GOLGA8B: variants seen among roughly 807,000 people sequenced by gnomAD.
The protein encoded by GOLGA8B is golgin subfamily A member 8B.
GOLGA8B carries 1 observed loss-of-function variant against 15.6 expected under a neutral mutation model. That is an observed-to-expected ratio of 0.06 (90% confidence interval 0.02 to 0.30). The LOEUF (loss-of-function observed/expected upper bound fraction) is 0.30. GOLGA8B is among the 10% of genes least tolerant of loss of function. The probability of loss-of-function intolerance (pLI) is 1.00; values close to 1 mark genes in which losing one functional copy is unlikely to be tolerated. For synonymous variants in GOLGA8B, 9 were observed against 80.3 expected (o/e 0.11, Z 4.75); for missense variants, 17 against 201.3 (o/e 0.08, Z 5.54).
At chr15:34,565,095 G>A (rs1888723938) in intron 1 of GOLGA8B, among the ~76,000 whole-genome samples, 1 of 141,214 alleles carries the variant, frequency 7.1e-6, no homozygotes, top group African/African-American at 2.5e-5. Context: ...TGGGGAGGAA[G>A]AATTTCCAGC....
chr15:34,554,108 GTGTTTC>G (rs1888425233), intron 1 of GOLGA8B, among the ~76,000 whole-genome samples, 152 bp from the exon 2 acceptor site: 1 of 142,048 alleles, frequency 7.0e-6, no homozygotes, highest in Non-Finnish European at 1.5e-5. Flanking sequence ...CTGTCTGGAA[GTGTTTC>G]TGATTCTAAT....
At chr15:34,562,570 C>G (rs1436246603) in intron 1 of GOLGA8B, among the ~76,000 whole-genome samples, 1 of 131,590 alleles carries the variant, frequency 7.6e-6, no homozygotes, top group East Asian at 2.2e-4. Flanking sequence ...TGTCCTCTCC[C>G]TAGCATGTCT....
chr15:34,568,908 C>G (rs936819074), intron 1 of GOLGA8B, among the ~76,000 whole-genome samples: 4 of 145,108 alleles, frequency 2.8e-5, no homozygotes, highest in Non-Finnish European at 5.9e-5. Context: ...ATGCCTGCTA[C>G]TTGGCCTTGT....
intron 1 of GOLGA8B, among the ~76,000 whole-genome samples, chr15:34,578,242 C>T (rs1208610361): frequency 6.6e-6 from 1 of 152,156 alleles, no homozygotes; most frequent in Admixed American, 6.5e-5. Flanking sequence ...TGGAAAACAC[C>T]TTAGTGTCCC....
chr15:34,576,700 G>C (rs1409476509), intron 1 of GOLGA8B, among the ~76,000 whole-genome samples: 2 of 152,188 alleles, frequency 1.3e-5, no homozygotes, highest in African/African-American at 4.8e-5. Context: ...ATTCAGTCCT[G>C]CCTCAGGGGC....
chr15:34,566,762 G>A (rs533654091), intron 1 of GOLGA8B, among the ~76,000 whole-genome samples: 4 of 135,652 alleles, frequency 2.9e-5, no homozygotes, highest in East Asian at 2.0e-4. Context: ...TGAGGATGGA[G>A]GTGTCACTGC....
chr15:34,551,612 CA>C (rs1208483829), intron 3 of GOLGA8B, among the ~76,000 whole-genome samples: 1 of 114,184 alleles, frequency 8.8e-6, no homozygotes, highest in Non-Finnish European at 1.9e-5. Flanking sequence ...TGGGCGTATA[CA>C]GGGGTGATCT....
chr15:34,575,849 C>G (rs1889062453), intron 1 of GOLGA8B, among the ~76,000 whole-genome samples: 1 of 152,252 alleles, frequency 6.6e-6, no homozygotes, highest in Non-Finnish European at 1.5e-5. Flanking sequence ...GCCCTCCCTC[C>G]TGATCCCACC....
At chr15:34,577,645 A>G (rs201081441) in intron 1 of GOLGA8B, among the ~76,000 whole-genome samples, 1 of 152,034 alleles carries the variant, frequency 6.6e-6, no homozygotes. Context: ...TAGAGCATAC[A>G]TTATACAAAC....
chr15:34,577,507 TACACACACACACACACACACACAC>T (rs71119972), intron 1 of GOLGA8B, among the ~76,000 whole-genome samples: 22 of 125,298 alleles, frequency 1.8e-4, no homozygotes, highest in Admixed American at 9.0e-4. Context: ...TTATATATCA[TACACACACACACACACACACACAC>T]ACACACACAC....
intron 1 of GOLGA8B, among the ~76,000 whole-genome samples, chr15:34,578,591 C>A (rs1368021880): frequency 6.6e-6 from 1 of 152,212 alleles, no homozygotes; most frequent in South Asian, 2.1e-4. Flanking sequence ...TACCTGTCCC[C>A]AGCCTCCTCG....
chr15:34,551,894 T>C (rs1888386680), intron 3 of GOLGA8B, among the ~76,000 whole-genome samples: 1 of 104,130 alleles, frequency 9.6e-6, no homozygotes, highest in South Asian at 3.0e-4. Context: ...TGGAAGGATC[T>C]CTTTTATCCC....
At chr15:34,582,403 A>T (rs569110803) in intron 1 of GOLGA8B, among the ~76,000 whole-genome samples, 3 of 152,354 alleles carry the variant, frequency 2.0e-5, no homozygotes, top group African/African-American at 7.2e-5. Flanking sequence ...ACAAACAAAC[A>T]AAAGCAGAAA....
At chr15:34,563,569 G>T (rs168392) in intron 1 of GOLGA8B, among the ~76,000 whole-genome samples, 13,422 of 120,234 alleles carry the variant, frequency 0.11, 802 homozygotes, top group South Asian at 0.2. Flanking sequence ...CCTTTTTTTT[G>T]GTAATTGTGT....
At chr15:34,563,878 T>A (rs529736381) in intron 1 of GOLGA8B, among the ~76,000 whole-genome samples, 1 of 143,966 alleles carries the variant, frequency 6.9e-6, no homozygotes, top group East Asian at 1.9e-4. Context: ...AGTGTTTTAT[T>A]TTTGCATTTT....
intron 1 of GOLGA8B, among the ~76,000 whole-genome samples, chr15:34,578,790 T>C (rs1199803580): frequency 1.3e-5 from 2 of 152,196 alleles, no homozygotes; most frequent in Non-Finnish European, 2.9e-5. Flanking sequence ...GATGAAAATA[T>C]TTCCACAGTC....
chr15:34,581,923 T>G (rs575616274), intron 1 of GOLGA8B, among the ~76,000 whole-genome samples: 1 of 152,216 alleles, frequency 6.6e-6, no homozygotes, highest in East Asian at 1.9e-4. Context: ...CCAACAGTAC[T>G]GCTAGAGCCC....
At chr15:34,539,264 G>C (rs551876744) in intron 7 of GOLGA8B, among the ~76,000 whole-genome samples, 148 of 109,074 alleles carry the variant, frequency 1.4e-3, no homozygotes, top group African/African-American at 4.5e-3. Flanking sequence ...AGAAGCTTCT[G>C]AAGAAACAGA....
At chr15:34,564,271 G>GTC (rs1214105704) in intron 1 of GOLGA8B, among the ~76,000 whole-genome samples, 1 of 133,800 alleles carries the variant, frequency 7.5e-6, no homozygotes, top group African/African-American at 2.8e-5. Flanking sequence ...TGGAGAGTGA[G>GTC]TCTTTGACTG....
Sources: allele counts gnomAD v4.1 joint callset (sites outside exome capture counted in the v4.1 genomes callset), GRCh38; gene constraint gnomAD v4.1.1; transcripts MANE v1.5; gene names NCBI Gene and HGNC (gene_info 2026-07-23, HGNC 2026-07-21).